Variants in ZNF33B observed in about 807,000 individuals in gnomAD.
The protein encoded by ZNF33B is zinc finger protein 33B.
ZNF33B carries 29 observed loss-of-function variants against 45.8 expected under a neutral mutation model. That is an observed-to-expected ratio of 0.63 (90% confidence interval 0.47 to 0.86). The LOEUF (loss-of-function observed/expected upper bound fraction) is 0.86, where lower values mean the gene tolerates loss of function less well. Ranked by LOEUF, ZNF33B falls within the 40% of genes least tolerant of loss-of-function variation. The probability of loss-of-function intolerance (pLI) is 0.00; values close to 1 mark genes in which losing one functional copy is unlikely to be tolerated. For synonymous variants in ZNF33B, 305 were observed against 307.8 expected, an observed-to-expected ratio of 0.99 and a Z score of 0.10; for missense variants, 831 against 909.9, an observed-to-expected ratio of 0.91 and a Z score of 1.12.
downstream of ZNF33B, among the ~76,000 whole-genome samples, chr10:42,588,780 G>C (rs1475784926): frequency 6.6e-6 from 1 of 152,176 alleles, no homozygotes; most frequent in Non-Finnish European, 1.5e-5. Flanking sequence ...TCCAAGAGCT[G>C]GTAGGGAAGC....
chr10:42,624,274 T>C (rs946306250), intron 4 of ZNF33B, among the ~76,000 whole-genome samples: 10 of 152,142 alleles, frequency 6.6e-5, no homozygotes, highest in Non-Finnish European at 1.5e-4. Context: ...CTCCAACATA[T>C]GAATTTTGGG....
chr10:42,609,904 A>C (rs1838030415), intron 4 of ZNF33B, among the ~76,000 whole-genome samples: 1 of 152,192 alleles, frequency 6.6e-6, no homozygotes, highest in Non-Finnish European at 1.5e-5. Context: ...ATACAGTTAA[A>C]CTTCCTGAGC....
intron 4 of ZNF33B, among the ~76,000 whole-genome samples, chr10:42,626,871 T>G (rs1444616109): frequency 6.6e-6 from 1 of 152,132 alleles, no homozygotes; most frequent in African/African-American, 2.4e-5. Flanking sequence ...TATTTAAAAT[T>G]TAAAGTATTT....
rs141588674 is a variant in ZNF33B, at chr10:42,607,328, G to A, written c.251-12629C>T. Among the ~76,000 whole-genome samples the A allele has an allele frequency of 8.0e-3, 629 of 78,596 alleles. 3 individuals are homozygous for A. Among genetic ancestry groups the A allele is most frequent in the Middle Eastern group, 0.044 (8 of 180 alleles). 51.6% of individuals were successfully genotyped at this position (78,596 alleles called of 152,430 possible). A position where few individuals can be genotyped will look rare whatever the true frequency, so the allele number is the denominator to read the frequency against. On this transcript the variant is annotated intron_variant, in intron 4 of 4. Transcript: ENST00000359467. ...TTATACTAAAATATATTCATTTCAC[G>A]TTGTGTACACATAAACAAACATAGA...
chr10:42,617,637 C>G (rs1169547137), intron 4 of ZNF33B, among the ~76,000 whole-genome samples: 2 of 152,074 alleles, frequency 1.3e-5, no homozygotes, highest in Admixed American at 6.6e-5. Context: ...TTGTGAAAAT[C>G]ACAACACTGG....
intron 4 of ZNF33B, among the ~76,000 whole-genome samples, chr10:42,596,951 A>G (rs1309253094): frequency 6.6e-6 from 1 of 151,854 alleles, no homozygotes; most frequent in Non-Finnish European, 1.5e-5. Context: ...GATAGCATAT[A>G]TTATACTATC....
intron 4 of ZNF33B, among the ~76,000 whole-genome samples, chr10:42,619,140 A>AG: frequency 6.6e-6 from 1 of 151,946 alleles, no homozygotes. Flanking sequence ...AAAAAAAAAA[A>AG]GAACTATAAA....
intron 4 of ZNF33B, among the ~76,000 whole-genome samples, chr10:42,598,021 A>C (rs1837471302): frequency 1.3e-5 from 2 of 152,196 alleles, no homozygotes; most frequent in Non-Finnish European, 2.9e-5. Flanking sequence ...CTTTGTTAAT[A>C]CTTGATTCAT....
chr10:42,603,412 C>T (rs1837710961), intron 4 of ZNF33B, among the ~76,000 whole-genome samples: 2 of 151,998 alleles, frequency 1.3e-5, no homozygotes, highest in Admixed American at 1.3e-4. Flanking sequence ...ACAAGCTAAA[C>T]CACAGACCAA....
Position 42,591,315 on chromosome 10 carries a change from G to C in ZNF33B, c.*1298C>G. On this transcript the variant is annotated 3_prime_UTR_variant, in exon 5 of 5. Transcript: ENST00000359467. ...GGACTATCACTTACGCTGAAGGCTG[G>C]AGTGTTCACATATGTACCCCAGGCA... 1.3e-6 allele frequency: 1 copy of C among 778,194 alleles called. No individual in the cohort carries two copies. The highest frequency in any genetic ancestry group is 1.6e-6 in the Non-Finnish European group (1 of 641,408). The allele number at this position is 778,194 out of a possible 1,614,324, so 48.2% of individuals were successfully genotyped here.
intron 4 of ZNF33B, among the ~76,000 whole-genome samples, chr10:42,624,558 T>A (rs1276406470): frequency 1.3e-5 from 2 of 152,152 alleles, no homozygotes; most frequent in Non-Finnish European, 2.9e-5. Flanking sequence ...AAAGTTTAAT[T>A]TATAACTTAG....
At chr10:42,596,279 A>G (rs1179952007) in intron 4 of ZNF33B, among the ~76,000 whole-genome samples, 3 of 152,158 alleles carry the variant, frequency 2.0e-5, no homozygotes, top group East Asian at 3.9e-4. Context: ...TCTCTAAAAC[A>G]TATCTTAATA....
intron 4 of ZNF33B, among the ~76,000 whole-genome samples, chr10:42,609,542 C>A (rs1838015977): frequency 6.6e-6 from 1 of 152,140 alleles, no homozygotes; most frequent in African/African-American, 2.4e-5. Flanking sequence ...CTCAAAAACT[C>A]CAAGAAAATA....
chr10:42,601,964 C>T, intron 4 of ZNF33B, among the ~76,000 whole-genome samples: 1 of 135,042 alleles, frequency 7.4e-6, no homozygotes. Context: ...ATCACCCAGG[C>T]TGCAGTGCAG....
chr10:42,598,651 G>A (rs1005743234), intron 4 of ZNF33B, among the ~76,000 whole-genome samples: 9 of 152,210 alleles, frequency 5.9e-5, no homozygotes, highest in African/African-American at 2.2e-4. Flanking sequence ...AGCAACGTGT[G>A]ACTGCACAGG....
At chr10:42,609,783 A>T (rs1838027108) in intron 4 of ZNF33B, among the ~76,000 whole-genome samples, 1 of 152,240 alleles carries the variant, frequency 6.6e-6, no homozygotes, top group Non-Finnish European at 1.5e-5. Flanking sequence ...CTAATACATC[A>T]CATAAGCAGA....
chr10:42,614,326 A>G (rs940586867), intron 4 of ZNF33B: 3 of 154,450 alleles, frequency 1.9e-5, no homozygotes, highest in African/African-American at 7.2e-5. Context: ...CAAAACAAGG[A>G]AAGTCTGGGA....
At chr10:42,594,841 AT>A (rs904265284) in intron 4 of ZNF33B, 142 bp from the exon 5 acceptor site, 24 of 971,436 alleles carry the variant, frequency 2.5e-5, no homozygotes, top group Admixed American at 2.2e-4. Flanking sequence ...GCAAGTGCAT[AT>A]TTTTTTGTAT....
At chr10:42,630,412 A>C (rs1236950182) in intron 4 of ZNF33B, among the ~76,000 whole-genome samples, 2 of 152,170 alleles carry the variant, frequency 1.3e-5, no homozygotes, top group East Asian at 1.9e-4. Flanking sequence ...GTTTTCAAAA[A>C]TTTAATTATA....
Sources: gnomAD v4.1 joint callset for allele counts (sites outside exome capture counted in the v4.1 genomes callset) on GRCh38, gnomAD v4.1.1 for gene constraint, MANE v1.5 for transcripts, NCBI Gene and HGNC (gene_info 2026-07-23, HGNC 2026-07-21) for gene names.